Variants in SORCS1 observed in about 807,000 individuals in gnomAD.
SORCS1 encodes VPS10 domain-containing receptor SorCS1.
SORCS1 carries 60 observed loss-of-function variants against 146.1 expected under a neutral mutation model. That is an observed-to-expected ratio of 0.41 (90% CI 0.33 to 0.51). The LOEUF (loss-of-function observed/expected upper bound fraction) is 0.51, where lower values mean the gene tolerates loss of function less well. SORCS1 is among the 20% of genes least tolerant of loss of function. SORCS1 has a pLI of 0.21. For synonymous variants in SORCS1, 637 were observed against 584.0 expected (o/e 1.09, Z -1.31); for missense variants, 1,352 against 1,487.6 (o/e 0.91, Z 1.50).
chr10:107,097,887 C>G (rs929079926), intron 1 of SORCS1, among the ~76,000 whole-genome samples: 1 of 152,184 alleles, frequency 6.6e-6, no homozygotes, highest in Non-Finnish European at 1.5e-5. Flanking sequence ...TCCTGACTCA[C>G]TCAAAAATCT....
chr10:107,088,349 C>A (rs1963923131), intron 1 of SORCS1, among the ~76,000 whole-genome samples: 1 of 152,126 alleles, frequency 6.6e-6, no homozygotes, highest in Non-Finnish European at 1.5e-5. Flanking sequence ...AGGCAAGCAC[C>A]TCCCCTAGGA....
chr10:106,901,623 A>AT lies in SORCS1; in HGVS notation c.626+54889dup, dbSNP rs906440515. Among the ~76,000 whole-genome samples, 119 of 152,268 alleles carry AT rather than the reference A, an allele frequency of 7.8e-4. 1 individual carries two copies. Among genetic ancestry groups the AT allele is most frequent in the African/African-American group, 2.7e-3 (112 of 41,564 alleles). On this transcript the variant is annotated intron_variant, in intron 2 of 25. Transcript: ENST00000263054. Reference sequence around the variant, plus strand: ...TAATTGTTTTGTATTTTTTGTAGAGATGGGGTTTCACCATGTTGCCCAGGC... The same window carrying AT: ...TAATTGTTTTGTATTTTTTGTAGAGATTGGGGTTTCACCATGTTGCCCAGGC...
At chr10:106,799,120 G>T (rs923218202) in intron 3 of SORCS1, among the ~76,000 whole-genome samples, 51 of 152,272 alleles carry the variant, frequency 3.3e-4, no homozygotes, top group Middle Eastern at 3.4e-3. Flanking sequence ...ACAAAAACAA[G>T]AAATGGGGAA....
chr10:106,889,888 TAAAAA>T (rs772421907), intron 2 of SORCS1, among the ~76,000 whole-genome samples: 2 of 71,680 alleles, frequency 2.8e-5, no homozygotes, highest in African/African-American at 5.2e-5. Flanking sequence ...ACGTCTCAAA[TAAAAA>T]AAAAAAAAAA....
intron 5 of SORCS1, among the ~76,000 whole-genome samples, chr10:106,733,160 C>G (rs1856732462): frequency 6.7e-6 from 1 of 149,354 alleles, no homozygotes; most frequent in South Asian, 2.1e-4. Flanking sequence ...AAAAAAGAGG[C>G]AAGAGCAAAA....
At position 106,960,392 on chromosome 10, in the gene SORCS1, G is replaced by A. The variant is rs1315730889; in HGVS notation, c.559-3812C>T. Among the ~76,000 whole-genome samples, 1 of 151,102 alleles carries A rather than the reference G, an allele frequency of 6.6e-6. No individual in the cohort carries two copies. The highest frequency in any genetic ancestry group is 6.6e-5 in the Admixed American group (1 of 15,180). On this transcript the variant is annotated intron_variant, in intron 1 of 25. Coordinates refer to ENST00000263054, the MANE Select transcript of SORCS1 (RefSeq NM_052918.5). This position sits in a 1 kb window ranked among gnomAD's most constrained non-coding sequence, Gnocchi z 4.4. ...GGGAGGAACTTCACTTGGTCCATAC[G>A]TTTTCTCTTTTTCTTTTTCTTTTTT... is the stretch of plus-strand genomic sequence containing the variant.
rs994708912 is a variant in SORCS1, at chr10:106,822,802, T to TTTTTTG, written c.726+6771_726+6772insCAAAAA. ...GTGTGGTTTTTTTTTTTTTTTTTTT[T>TTTTTTG]GAATATTGCTCTGTTGTGCCCAGGC... On this transcript the variant is annotated intron_variant, in intron 3 of 25. Transcript: ENST00000263054. Among the ~76,000 whole-genome samples the TTTTTTG allele has an allele frequency of 6.1e-4, 86 of 140,152 alleles. 2 individuals carry two copies. The highest frequency in any genetic ancestry group is 2.3e-3 in the African/African-American group (81 of 35,192). The allele number at this position is 140,152 out of a possible 152,430, so 91.9% of individuals were successfully genotyped here. A position where few individuals can be genotyped will look rare whatever the true frequency, so the allele number is the denominator to read the frequency against.
chr10:106,757,685 G>A (rs1858755101), intron 5 of SORCS1, among the ~76,000 whole-genome samples: 1 of 152,200 alleles, frequency 6.6e-6, no homozygotes, highest in African/African-American at 2.4e-5. Flanking sequence ...TTGGCACTGT[G>A]GTCAAAAGAA....
intron 1 of SORCS1, among the ~76,000 whole-genome samples, chr10:107,161,350 AT>A (rs1210785400): frequency 6.6e-6 from 1 of 152,142 alleles, no homozygotes; most frequent in Non-Finnish European, 1.5e-5. Flanking sequence ...CTGGGGGCAG[AT>A]TTATAGGGGA....
chr10:106,882,225 G>A lies in SORCS1; in HGVS notation c.627-52552C>T, dbSNP rs564328487. 2.0e-5 allele frequency among the ~76,000 whole-genome samples: 3 copies of A among 152,028 alleles called. No individual in the cohort carries two copies. In the South Asian group the frequency reaches 6.2e-4, roughly 32 times the overall value. ...AGGCCATATTGGACGAAGAAGAATT[G>A]TCTTGGGCCACACATAAAATACACT... is the stretch of plus-strand genomic sequence containing the variant. On this transcript the variant is annotated intron_variant, in intron 2 of 25. Coordinates refer to ENST00000263054, the MANE Select transcript of SORCS1 (RefSeq NM_052918.5).
intron 2 of SORCS1, among the ~76,000 whole-genome samples, chr10:106,857,145 G>C (rs1334309782): frequency 6.6e-6 from 1 of 152,110 alleles, no homozygotes; most frequent in Non-Finnish European, 1.5e-5. Flanking sequence ...CCAGTCCCCA[G>C]GACAGTGCTG....
At chr10:106,907,070 C>A (rs891087322) in intron 2 of SORCS1, among the ~76,000 whole-genome samples, 1 of 152,272 alleles carries the variant, frequency 6.6e-6, no homozygotes, top group Admixed American at 6.5e-5. Context: ...GGGAAACAGG[C>A]ACCCAAATAA....
At chr10:106,722,150 T>C (rs10466140) in intron 6 of SORCS1, among the ~76,000 whole-genome samples, 4,279 of 61,354 alleles carry the variant, frequency 0.07, 169 homozygotes, top group African/African-American at 0.17. Context: ...CACACACACA[T>C]ATATATATAA....
chr10:107,108,311 C>T (rs199736622), intron 1 of SORCS1, among the ~76,000 whole-genome samples: 1 of 152,200 alleles, frequency 6.6e-6, no homozygotes, highest in Non-Finnish European at 1.5e-5. Context: ...AATTGGCTCA[C>T]TGTGCTGCAG....
At position 106,598,912 on chromosome 10, in the gene SORCS1, T is replaced by C. The variant is rs146344442; in HGVS notation, c.3166-1462A>G. Among the ~76,000 whole-genome samples the C allele has an allele frequency of 8.7e-3, 1,321 of 152,294 alleles. 15 individuals are homozygous for C. The highest frequency in any genetic ancestry group is 0.011 in the Non-Finnish European group (782 of 68,038). The stretch of plus-strand genomic sequence containing the variant: ...GAGGATGACCATCACTGCCCAGTCG[T>C]TGAGCACCTGGGATCCAGAGCAAGC... On this transcript the variant is annotated intron_variant, in intron 23 of 25. Coordinates refer to ENST00000263054, the MANE Select transcript of SORCS1 (RefSeq NM_052918.5).
At chr10:106,752,903 A>T (rs972513211) in intron 5 of SORCS1, among the ~76,000 whole-genome samples, 1 of 152,156 alleles carries the variant, frequency 6.6e-6, no homozygotes, top group Non-Finnish European at 1.5e-5. Context: ...CTGGGATATG[A>T]GGAATCAGGA....
intron 3 of SORCS1, among the ~76,000 whole-genome samples, chr10:106,818,533 T>G (rs11193060): frequency 0.036 from 5,441 of 151,940 alleles, 228 homozygotes; most frequent in East Asian, 0.15. Flanking sequence ...GCCCAGCAAA[T>G]TTTTGTATTT....
chr10:107,062,002 T>C (rs1961277409), intron 1 of SORCS1, among the ~76,000 whole-genome samples: 1 of 152,174 alleles, frequency 6.6e-6, no homozygotes, highest in Non-Finnish European at 1.5e-5. Flanking sequence ...CTTTATTATA[T>C]CAATTAATCT....
chr10:106,916,348 CA>C (rs1952423407), intron 2 of SORCS1, among the ~76,000 whole-genome samples: 1 of 151,744 alleles, frequency 6.6e-6, no homozygotes, highest in African/African-American at 2.4e-5. Flanking sequence ...GATGGCAATA[CA>C]TTTTTTTTCC....
Sources: gnomAD v4.1 joint callset for allele counts (sites outside exome capture counted in the v4.1 genomes callset) on GRCh38, gnomAD v4.1.1 for gene constraint, Gnocchi (gnomAD v3.1) non-coding constraint, MANE v1.5 for transcripts, NCBI Gene and HGNC (gene_info 2026-07-23, HGNC 2026-07-21) for gene names.